PDE4D: variants seen among roughly 807,000 people sequenced by gnomAD.
PDE4D encodes phosphodiesterase 4D.
A neutral mutation model predicts 87.4 loss-of-function variants in PDE4D; 24 were observed. That is an observed-to-expected ratio of 0.27 (90% confidence interval 0.20 to 0.39). PDE4D has a LOEUF of 0.39. Ranked by LOEUF, PDE4D falls within the 10% of genes least tolerant of loss-of-function variation. PDE4D has a pLI of 1.00. For missense variants in PDE4D, 714 were observed against 1,041.0 expected, an observed-to-expected ratio of 0.69 and a Z score of 4.32; for synonymous variants, 384 against 383.2, an observed-to-expected ratio of 1.00 and a Z score of -0.02.
At chr5:60,115,110 T>A (rs1420399512) in intron 2 of PDE4D, among the ~76,000 whole-genome samples, 1 of 152,098 alleles carries the variant, frequency 6.6e-6, no homozygotes, top group Non-Finnish European at 1.5e-5. Context: ...AGTCCAGAGA[T>A]ATTTTGAAAA....
chr5:59,145,503 AAGTG>A (rs1269794533), intron 5 of PDE4D, among the ~76,000 whole-genome samples: 2 of 152,336 alleles, frequency 1.3e-5, no homozygotes, highest in African/African-American at 4.8e-5. Context: ...GATTTTTAAG[AAGTG>A]AGATTCCCAA....
chr5:59,419,162 C>T (rs1794096662), intron 1 of PDE4D, among the ~76,000 whole-genome samples: 1 of 152,160 alleles, frequency 6.6e-6, no homozygotes, highest in Non-Finnish European at 1.5e-5. Context: ...TCTTTCATGA[C>T]CTTATTTGTA....
At chr5:60,337,388 T>TATATATATATATACACACAC (rs66871903) in intron 1 of PDE4D, among the ~76,000 whole-genome samples, 8 of 89,472 alleles carry the variant, frequency 8.9e-5, no homozygotes, top group South Asian at 6.1e-4. Context: ...TATATATATA[T>TATATATATATATACACACAC]ACACACACAC....
At chr5:59,946,059 C>T (rs1438660136) in intron 3 of PDE4D, among the ~76,000 whole-genome samples, 5 of 152,200 alleles carry the variant, frequency 3.3e-5, no homozygotes, top group African/African-American at 1.2e-4. Flanking sequence ...AACAGCTCAA[C>T]AGATCATAAT....
intron 1 of PDE4D, among the ~76,000 whole-genome samples, chr5:59,791,564 G>C (rs1216155830): frequency 6.6e-6 from 1 of 152,114 alleles, no homozygotes; most frequent in Admixed American, 6.5e-5. Context: ...AACTCCCAGA[G>C]TTATTTGACA....
intron 1 of PDE4D, among the ~76,000 whole-genome samples, chr5:60,349,780 T>C (rs1283559408): frequency 6.6e-6 from 1 of 152,180 alleles, no homozygotes; most frequent in Admixed American, 6.6e-5. Context: ...GGTTTTCGTG[T>C]CTCTTTTCTA....
At chr5:59,756,977 T>C (rs1761339062) in intron 1 of PDE4D, among the ~76,000 whole-genome samples, 1 of 152,106 alleles carries the variant, frequency 6.6e-6, no homozygotes, top group Non-Finnish European at 1.5e-5. Context: ...TTTATATTTT[T>C]AGTAGAGACG....
At chr5:59,327,824 T>TG (rs1184789675) in intron 1 of PDE4D, among the ~76,000 whole-genome samples, 1 of 152,172 alleles carries the variant, frequency 6.6e-6, no homozygotes, top group Admixed American at 6.6e-5. Flanking sequence ...TGCTACAAAC[T>TG]GGTGATATGG....
intron 6 of PDE4D, among the ~76,000 whole-genome samples, chr5:59,016,739 G>A (rs1754081164): frequency 6.6e-6 from 1 of 151,964 alleles, no homozygotes; most frequent in African/African-American, 2.4e-5. Context: ...AAAGCAAAGG[G>A]CTTTAAACAT....
intron 1 of PDE4D, among the ~76,000 whole-genome samples, chr5:59,270,517 T>C (rs1581697590): frequency 6.6e-6 from 1 of 152,300 alleles, no homozygotes; most frequent in East Asian, 1.9e-4. Flanking sequence ...TGGCCTTTTG[T>C]TCTTTATTGT....
chr5:59,509,081 C>T (rs561804600), intron 1 of PDE4D, among the ~76,000 whole-genome samples: 29 of 152,024 alleles, frequency 1.9e-4, no homozygotes, highest in South Asian at 4.2e-4. Context: ...AATACCAATA[C>T]ATTTTAAGTA....
intron 1 of PDE4D, among the ~76,000 whole-genome samples, chr5:59,319,620 TAAC>T (rs1028481619): frequency 1.3e-5 from 2 of 152,140 alleles, no homozygotes; most frequent in African/African-American, 2.4e-5. Context: ...GTGAGTGAAA[TAAC>T]AACAGAGTCT....
chr5:59,421,420 C>A (rs115074326), intron 1 of PDE4D, among the ~76,000 whole-genome samples: 1 of 152,192 alleles, frequency 6.6e-6, no homozygotes, highest in Admixed American at 6.5e-5. Context: ...ACTTCAGAGG[C>A]TCTTACAGTA....
At position 59,839,015 on chromosome 5, in the gene PDE4D, G is replaced by A. The variant is rs537553669; in HGVS notation, c.455+54153C>T. ...ACCTGCTGATAGGGAAGAGGAAAAG[G>A]ATGAATCAAAACTTGGTACCATATT... is the stretch of plus-strand genomic sequence containing the variant. On this transcript the variant is annotated intron_variant, in intron 1 of 14. Coordinates refer to ENST00000340635, the MANE Select transcript of PDE4D (RefSeq NM_001104631.2). Among the ~76,000 whole-genome samples, 10 of 152,006 alleles carry A rather than the reference G, an allele frequency of 6.6e-5. No individual in the cohort carries two copies. The South Asian group carries it at 1.9e-3, about 28-fold the overall frequency.
At chr5:59,711,405 A>T (rs1257842553) in intron 1 of PDE4D, among the ~76,000 whole-genome samples, 1 of 152,168 alleles carries the variant, frequency 6.6e-6, no homozygotes, top group Non-Finnish European at 1.5e-5. Context: ...AAATTAAAAA[A>T]AATAATATAT....
rs1470681593 is a variant in PDE4D at position 59,985,150 on chromosome 5, TTA to T, written c.272+3336_272+3337del. On this transcript the variant is annotated intron_variant, in intron 3 of 16. Coordinates refer to the PDE4D transcript ENST00000502484. Reference sequence around the variant, plus strand: ...TTTTTTGTTTTTTGTTTTTTGTTTTTTATTTTGAGACAGAGTCTCACTCTGTC... The same window carrying T: ...TTTTTTGTTTTTTGTTTTTTGTTTTTTTTTGAGACAGAGTCTCACTCTGTC... Among the ~76,000 whole-genome samples the T allele has an allele frequency of 2.1e-4, 27 of 131,294 alleles. 8 individuals are homozygous for T. The highest frequency in any genetic ancestry group is 1.9e-3 in the East Asian group (6 of 3,098). 86.1% of individuals were successfully genotyped at this position (131,294 alleles called of 152,430 possible). A position where few individuals can be genotyped will look rare whatever the true frequency, so the allele number is the denominator to read the frequency against.
At chr5:59,916,863 C>T (rs1471820205) in intron 3 of PDE4D, among the ~76,000 whole-genome samples, 2 of 151,608 alleles carry the variant, frequency 1.3e-5, no homozygotes, top group African/African-American at 4.9e-5. Flanking sequence ...TCTCACCTCA[C>T]TGCAACCTCC....
intron 1 of PDE4D, among the ~76,000 whole-genome samples, chr5:59,694,193 T>C (rs1439776891): frequency 6.6e-6 from 1 of 152,210 alleles, no homozygotes; most frequent in East Asian, 1.9e-4. Context: ...AACAAAACTT[T>C]ATTATTTTAT....
intron 3 of PDE4D, among the ~76,000 whole-genome samples, chr5:59,909,395 A>AT (rs11413475): frequency 0.65 from 97,270 of 150,062 alleles, 33,693 homozygotes; most frequent in African/African-American, 0.91. Context: ...CCTTAGGTGG[A>AT]TTTTTTTTTT....
Sources: allele counts gnomAD v4.1 joint callset (sites outside exome capture counted in the v4.1 genomes callset), GRCh38; gene constraint gnomAD v4.1.1; transcripts MANE v1.5; gene names NCBI Gene and HGNC (gene_info 2026-07-23, HGNC 2026-07-21).